The following CDKAL1 variants were observed in gnomAD, a reference collection of about 807,000 sequenced individuals.
CDKAL1 encodes CDKAL1 threonylcarbamoyladenosine tRNA methylthiotransferase.
Under a neutral mutation model 68.2 loss-of-function variants are expected in CDKAL1, and 32 were observed. The observed-to-expected ratio is 0.47, with a 90% CI of 0.35 to 0.63. The LOEUF (loss-of-function observed/expected upper bound fraction) is 0.63. Among genes scored for constraint, CDKAL1 ranks in the 30% least tolerant of loss-of-function variants. CDKAL1 has a pLI of 0.00. For synonymous variants in CDKAL1, 234 were observed against 244.3 expected (o/e 0.96, Z 0.39); for missense variants, 606 against 696.7 (o/e 0.87, Z 1.47).
intron 4 of CDKAL1, among the ~76,000 whole-genome samples, chr6:20,634,546 G>A (rs1208720259): frequency 1.3e-5 from 2 of 152,206 alleles, no homozygotes; most frequent in African/African-American, 4.8e-5. Context: ...AATGGTCCAG[G>A]TGTGACATGA....
intron 10 of CDKAL1, among the ~76,000 whole-genome samples, chr6:20,996,790 A>G (rs1309936822): frequency 6.6e-6 from 1 of 152,192 alleles, no homozygotes; most frequent in African/African-American, 2.4e-5. Context: ...GTTGCCACAA[A>G]CCTTCAATTT....
chr6:20,874,072 G>T (rs1760361494), intron 9 of CDKAL1, among the ~76,000 whole-genome samples: 1 of 152,164 alleles, frequency 6.6e-6, no homozygotes, highest in Non-Finnish European at 1.5e-5. Flanking sequence ...TGGCTTGAAG[G>T]ACGTTGGGCC....
chr6:21,177,733 T>A lies in CDKAL1; in HGVS notation c.1300-20288T>A, dbSNP rs531634197. Among the ~76,000 whole-genome samples the A allele has an allele frequency of 2.6e-5, 4 of 152,082 alleles. No homozygotes were observed. The South Asian group carries it at 8.3e-4, about 32-fold the overall frequency. On this transcript the variant is annotated intron_variant, in intron 13 of 15. Transcript: ENST00000274695. ...ATGGCTAATGGATCTATCCAAACAT[T>A]GGTTTTATAAGGAAATTGAAGAATC...
intron 13 of CDKAL1, among the ~76,000 whole-genome samples, chr6:21,131,717 C>T (rs1775331218): frequency 6.6e-6 from 1 of 152,128 alleles, no homozygotes; most frequent in Non-Finnish European, 1.5e-5. Context: ...CAGTTCAGAG[C>T]ATTCAGTTAA....
At chr6:20,703,321 T>C (rs112808682) in intron 5 of CDKAL1, among the ~76,000 whole-genome samples, 5 of 152,198 alleles carry the variant, frequency 3.3e-5, no homozygotes, top group Non-Finnish European at 7.3e-5. Flanking sequence ...ATTCACAATA[T>C]TAGTGTAGAG....
intron 7 of CDKAL1, among the ~76,000 whole-genome samples, chr6:20,779,578 G>A (rs1775323615): frequency 6.6e-6 from 1 of 152,194 alleles, no homozygotes; most frequent in Non-Finnish European, 1.5e-5. Context: ...GAGTTATTGT[G>A]ATGATTATAA....
In CDKAL1 at chr6:20,553,007, T is replaced by C. The variant is rs570426889; in HGVS notation, c.286+4302T>C. Among the ~76,000 whole-genome samples, 243 of 152,268 alleles carry C rather than the reference T, an allele frequency of 1.6e-3. 2 individuals carry two copies. Among genetic ancestry groups the C allele is most frequent in the African/African-American group, 5.5e-3 (230 of 41,566 alleles). On this transcript the variant is annotated intron_variant, in intron 4 of 15. Transcript: ENST00000274695. ...GTTAATCAAATGGAAACCTAAAATA[T>C]TAAATGTATAACATAAAATAGGTAT...
intron 5 of CDKAL1, among the ~76,000 whole-genome samples, chr6:20,692,894 AGGTG>A (rs1562030135): frequency 6.6e-6 from 1 of 151,964 alleles, no homozygotes; most frequent in Admixed American, 6.6e-5. Flanking sequence ...TGGGAGGCCG[AGGTG>A]GGTGGATCAC....
At chr6:20,645,065 G>A (rs1200195049) in intron 4 of CDKAL1, among the ~76,000 whole-genome samples, 2 of 152,134 alleles carry the variant, frequency 1.3e-5, no homozygotes, top group Non-Finnish European at 2.9e-5. Flanking sequence ...AAAAGGTACA[G>A]TAAAAATATG....
chr6:20,927,779 T>C (rs6903176), intron 9 of CDKAL1, among the ~76,000 whole-genome samples: 145,893 of 152,184 alleles, frequency 0.96, 69,941 homozygotes, highest in East Asian at 1. Context: ...TAGTCTCTTC[T>C]CCTGGTTTAA....
rs534058277 is a variant in CDKAL1, at chr6:20,792,817, T to C, written c.638+11552T>C. Among the ~76,000 whole-genome samples, 7 of 152,356 alleles carry C rather than the reference T, an allele frequency of 4.6e-5. No individual in the cohort carries two copies. In the East Asian group the frequency reaches 1.3e-3, roughly 29 times the overall value. On this transcript the variant is annotated intron_variant, in intron 8 of 15. Coordinates refer to ENST00000274695, the MANE Select transcript of CDKAL1 (RefSeq NM_017774.3). ...CAATAAAAGAAACAAGACCTAGTAA[T>C]GTATCACTGCTCTTGGGAGCCTTAC...
intron 10 of CDKAL1, among the ~76,000 whole-genome samples, chr6:20,982,048 C>CTTATTTATTTATTTATTTAT (rs35693086): frequency 6.8e-6 from 1 of 146,970 alleles, no homozygotes; most frequent in African/African-American, 2.5e-5. Flanking sequence ...GAAGGAAATT[C>CTTATTTATTTATTTATTTAT]TTATTTATTT....
At chr6:20,583,547 A>G (rs1765221089) in intron 4 of CDKAL1, among the ~76,000 whole-genome samples, 2 of 152,196 alleles carry the variant, frequency 1.3e-5, no homozygotes, top group Admixed American at 6.5e-5. Context: ...ATGATAATCT[A>G]CGGAACAAAA....
intron 9 of CDKAL1, among the ~76,000 whole-genome samples, chr6:20,882,637 G>C (rs576561061): frequency 1.6e-4 from 24 of 152,052 alleles, no homozygotes; most frequent in Admixed American, 1.4e-3. Flanking sequence ...TTTTATTGCT[G>C]TGTGCTATTC....
At chr6:20,989,245 A>G (rs1053677312) in intron 10 of CDKAL1, among the ~76,000 whole-genome samples, 8 of 152,214 alleles carry the variant, frequency 5.3e-5, no homozygotes, top group African/African-American at 1.9e-4. Context: ...AAACAAGGCA[A>G]TTAGATGCTT....
intron 4 of CDKAL1, among the ~76,000 whole-genome samples, chr6:20,576,031 A>C (rs1764893664): frequency 6.6e-6 from 1 of 152,196 alleles, no homozygotes; most frequent in South Asian, 2.1e-4. Flanking sequence ...AAGTACCTTA[A>C]GTTGACTTAG....
intron 10 of CDKAL1, among the ~76,000 whole-genome samples, chr6:20,971,501 A>G (rs1765596189): frequency 6.6e-6 from 1 of 152,304 alleles, no homozygotes; most frequent in South Asian, 2.1e-4. Context: ...CTAGAAAAAT[A>G]TTGATATTTC....
chr6:21,051,303 G>C (rs1770523934), intron 11 of CDKAL1, among the ~76,000 whole-genome samples: 1 of 152,194 alleles, frequency 6.6e-6, no homozygotes, highest in Admixed American at 6.5e-5. Flanking sequence ...GCACCCAAGA[G>C]ATAGAGGCTG....
chr6:21,176,772 G>A (rs1289784323), intron 13 of CDKAL1, among the ~76,000 whole-genome samples: 2 of 144,878 alleles, frequency 1.4e-5, no homozygotes, highest in African/African-American at 2.6e-5. Flanking sequence ...TTGGCTCAGC[G>A]CATCCTCCGC....
Sources: allele counts gnomAD v4.1 joint callset (sites outside exome capture counted in the v4.1 genomes callset), GRCh38; gene constraint gnomAD v4.1.1; transcripts MANE v1.5; gene names NCBI Gene and HGNC (gene_info 2026-07-23, HGNC 2026-07-21).